EBF2: variants seen among roughly 807,000 people sequenced by gnomAD.
The protein encoded by EBF2 is transcription factor COE2.
Under a neutral mutation model 72.8 loss-of-function variants are expected in EBF2, and 21 were observed. The ratio of observed to expected loss-of-function variants is 0.29; its 90% CI spans 0.20 to 0.42. The LOEUF is 0.42. Ranked by LOEUF, EBF2 falls within the 10% of genes least tolerant of loss-of-function variation. The pLI is 1.00. For missense variants in EBF2, 637 were observed against 731.2 expected, an observed-to-expected ratio of 0.87 and a Z score of 1.49; for synonymous variants, 299 against 274.2, an observed-to-expected ratio of 1.09 and a Z score of -0.89.
chr8:25,993,606 T>C (rs1383771681), intron 6 of EBF2, among the ~76,000 whole-genome samples: 2 of 152,188 alleles, frequency 1.3e-5, no homozygotes, highest in African/African-American at 4.8e-5. Flanking sequence ...CTCAAGCTAC[T>C]TTCCAGTTCA....
At chr8:25,844,904 A>G (rs1801801552) in intron 15 of EBF2, among the ~76,000 whole-genome samples, 1 of 152,182 alleles carries the variant, frequency 6.6e-6, no homozygotes, top group African/African-American at 2.4e-5. Context: ...GTTTTGTTTT[A>G]TATGGGTTGT....
intron 7 of EBF2, among the ~76,000 whole-genome samples, chr8:25,893,316 C>G (rs1299036967): frequency 8.0e-6 from 1 of 124,662 alleles, no homozygotes; most frequent in Non-Finnish European, 1.6e-5. Flanking sequence ...GCGTCTTGCT[C>G]TATCACCCAG....
At chr8:26,014,730 C>T (rs1805080007) in intron 6 of EBF2, among the ~76,000 whole-genome samples, 1 of 152,106 alleles carries the variant, frequency 6.6e-6, no homozygotes, top group South Asian at 2.1e-4. Flanking sequence ...TAAATTTGCC[C>T]AAAAGTCGTG....
intron 6 of EBF2, among the ~76,000 whole-genome samples, chr8:26,018,894 A>G (rs555978928): frequency 1.2e-3 from 180 of 145,380 alleles, no homozygotes; most frequent in South Asian, 1.8e-3. Context: ...TTATGGGTCC[A>G]TTGTATTCAC....
intron 6 of EBF2, among the ~76,000 whole-genome samples, chr8:25,948,733 G>C (rs930765308): frequency 6.6e-6 from 1 of 152,146 alleles, no homozygotes; most frequent in Non-Finnish European, 1.5e-5. Context: ...AATAAATGGA[G>C]CCTTAACTGA....
At position 25,894,269 on chromosome 8, in the gene EBF2, T is replaced by C. The variant is rs575896960; in HGVS notation, c.634-4400A>G. Among the ~76,000 whole-genome samples the C allele has an allele frequency of 3.7e-4, 57 of 152,340 alleles. 1 individual carries two copies. The highest frequency in any genetic ancestry group is 3.4e-3 in the Middle Eastern group (1 of 294). ...CTACATTATACAGGTGAAGATATAT[T>C]TGGTACAGTCAAAACTTCAAATTTA... On this transcript the variant is annotated intron_variant, in intron 7 of 15. Coordinates refer to ENST00000520164, the MANE Select transcript of EBF2 (RefSeq NM_022659.4).
intron 6 of EBF2, among the ~76,000 whole-genome samples, chr8:25,964,116 G>C (rs1804077283): frequency 6.6e-6 from 1 of 152,082 alleles, no homozygotes; most frequent in African/African-American, 2.4e-5. Context: ...GCACCTAAAG[G>C]TTCTCTTGCA....
rs1209143960 is a variant in EBF2, at chr8:25,861,298, C to T, written c.1164+11G>A. 1.2e-6 allele frequency: 2 copies of T among 1,614,150 alleles called. No individual in the cohort carries two copies. Among genetic ancestry groups the T allele is most frequent in the East Asian group, 4.5e-5 (2 of 44,878 alleles). On this transcript the variant is annotated intron_variant, in intron 12 of 15. Coordinates refer to ENST00000520164, the MANE Select transcript of EBF2 (RefSeq NM_022659.4). ...CAAAACTCAATAAAGGATAGGATGT[C>T]AGTATCTCACCTGGTTATTGTGTGG...
chr8:25,905,945 T>TAAAA (rs1803025234), intron 7 of EBF2, among the ~76,000 whole-genome samples: 1 of 152,240 alleles, frequency 6.6e-6, no homozygotes, highest in Non-Finnish European at 1.5e-5. Flanking sequence ...TTTTTGCCCT[T>TAAAA]GTCTTTGCAA....
intron 10 of EBF2, among the ~76,000 whole-genome samples, chr8:25,864,666 T>C (rs35335955): frequency 0.28 from 42,658 of 152,144 alleles, 6,224 homozygotes; most frequent in South Asian, 0.39. Flanking sequence ...ATGGTTTCTA[T>C]ACATATATTC....
At chr8:25,876,192 C>T (rs1802517799) in intron 10 of EBF2, among the ~76,000 whole-genome samples, 2 of 152,116 alleles carry the variant, frequency 1.3e-5, no homozygotes, top group Admixed American at 1.3e-4. Flanking sequence ...TGTTCTCACT[C>T]ATAAGTGGGA....
chr8:25,908,049 A>C (rs1432253591), intron 7 of EBF2, among the ~76,000 whole-genome samples: 1 of 152,220 alleles, frequency 6.6e-6, no homozygotes, highest in Non-Finnish European at 1.5e-5. Context: ...GCTGCCTTCC[A>C]GAAGGCTCAG....
At chr8:25,953,200 T>C (rs1163683179) in intron 6 of EBF2, among the ~76,000 whole-genome samples, 2 of 152,218 alleles carry the variant, frequency 1.3e-5, no homozygotes, top group African/African-American at 4.8e-5. Flanking sequence ...GAGTGGACTG[T>C]AATGCCTCGT....
chr8:26,042,969 G>T (rs532010616), intron 1 of EBF2, among the ~76,000 whole-genome samples: 2 of 152,308 alleles, frequency 1.3e-5, no homozygotes, highest in African/African-American at 4.8e-5. Flanking sequence ...ACCGACATAG[G>T]GGGCCCTCCC....
Position 26,044,628 on chromosome 8 carries a change from C to G in EBF2, c.131+101G>C. The G allele has an allele frequency of 6.7e-7, 1 of 1,502,044 alleles. No individual in the cohort carries two copies. Among genetic ancestry groups the G allele is most frequent in the Non-Finnish European group, 9.0e-7 (1 of 1,111,384 alleles). The allele number at this position is 1,502,044 out of a possible 1,614,324, so 93.0% of individuals were successfully genotyped here. A position where few individuals can be genotyped will look rare whatever the true frequency, so the allele number is the denominator to read the frequency against. On this transcript the variant is annotated intron_variant, in intron 1 of 15. Transcript: ENST00000520164. This position sits in a 1 kb window ranked among gnomAD's most constrained non-coding sequence, Gnocchi z 4.1. The stretch of plus-strand genomic sequence containing the variant: ...AGGGCCTGGGCGACAGATGGGGGGA[C>G]AGGGAGAGAGAAAGGCACGGGGTGC...
At chr8:26,002,759 G>A (rs76724675) in intron 6 of EBF2, among the ~76,000 whole-genome samples, 11,199 of 152,258 alleles carry the variant, frequency 0.074, 535 homozygotes, top group Non-Finnish European at 0.098. Context: ...CCCCCTGGGT[G>A]TGAAGCCTCT....
At chr8:25,908,028 C>G (rs968608679) in intron 7 of EBF2, among the ~76,000 whole-genome samples, 2 of 152,240 alleles carry the variant, frequency 1.3e-5, no homozygotes, top group African/African-American at 4.8e-5. Flanking sequence ...AGTGACCACG[C>G]TGCTTGGGCT....
At chr8:25,965,316 T>C (rs750263811) in intron 6 of EBF2, among the ~76,000 whole-genome samples, 19 of 152,214 alleles carry the variant, frequency 1.2e-4, no homozygotes, top group Non-Finnish European at 2.6e-4. Context: ...TAACATATTT[T>C]GTTAAGCAAC....
At position 25,844,257 on chromosome 8, in the gene EBF2, T is replaced by C. The variant is rs1801788332; in HGVS notation, c.*352A>G. 1.2e-5 allele frequency: 2 copies of C among 170,936 alleles called. No homozygotes were observed. The highest frequency in any genetic ancestry group is 4.7e-5 in the African/African-American group (2 of 42,228). The allele number at this position is 170,936 out of a possible 1,614,324, so 10.6% of individuals were successfully genotyped here. A position where few individuals can be genotyped will look rare whatever the true frequency, so the allele number is the denominator to read the frequency against. ...TTTTTTTCCTACAAAGAAAAACAAA[T>C]AGTATCCAAAATATTAAGCATTAAT... On this transcript the variant is annotated 3_prime_UTR_variant, in exon 16 of 16. Coordinates refer to ENST00000520164, the MANE Select transcript of EBF2 (RefSeq NM_022659.4).
Sources: allele counts gnomAD v4.1 joint callset (sites outside exome capture counted in the v4.1 genomes callset), GRCh38; gene constraint gnomAD v4.1.1; non-coding constraint Gnocchi (gnomAD v3.1); transcripts MANE v1.5; gene names NCBI Gene and HGNC (gene_info 2026-07-23, HGNC 2026-07-21).